The following KALRN variants were observed in gnomAD, a reference collection of about 807,000 sequenced individuals.
The protein encoded by KALRN is kalirin.
KALRN carries 70 observed loss-of-function variants against 353.7 expected under a neutral mutation model. The ratio of observed to expected loss-of-function variants is 0.20; its 90% CI spans 0.16 to 0.24. The LOEUF (loss-of-function observed/expected upper bound fraction) is 0.24, where lower values mean the gene tolerates loss of function less well. Ranked by LOEUF, KALRN falls within the 10% of genes least tolerant of loss-of-function variation. The pLI is 1.00. For synonymous variants in KALRN, 1,391 were observed against 1,434.8 expected, an observed-to-expected ratio of 0.97 and a Z score of 0.69; for missense variants, 2,791 against 3,756.7, an observed-to-expected ratio of 0.74 and a Z score of 6.72.
At chr3:124,052,368 C>T (rs1168427347) in intron 1 of KALRN, among the ~76,000 whole-genome samples, 1 of 152,120 alleles carries the variant, frequency 6.6e-6, no homozygotes, top group Admixed American at 6.6e-5. Context: ...CTTTTGGATT[C>T]CAAGTCTGTG....
chr3:124,597,202 C>A (rs1229608215), intron 34 of KALRN, among the ~76,000 whole-genome samples: 4 of 151,974 alleles, frequency 2.6e-5, no homozygotes, highest in Admixed American at 6.6e-5. Context: ...GTGTTGATTC[C>A]CAAATATTTG....
chr3:124,626,502 A>AT (rs200506128), intron 34 of KALRN, among the ~76,000 whole-genome samples: 2 of 152,068 alleles, frequency 1.3e-5, no homozygotes, highest in Admixed American at 6.6e-5. Flanking sequence ...GCTTCAGAAA[A>AT]TTTTTTTTAA....
intron 5 of KALRN, 115 bp from the exon 6 acceptor site, chr3:124,298,676 T>A (rs1364389751): frequency 1.3e-5 from 15 of 1,184,034 alleles, no homozygotes; most frequent in Non-Finnish European, 1.8e-5. Flanking sequence ...GAACAATAAC[T>A]GGTTCTCACT....
rs1036775635 is a variant in KALRN, at chr3:124,725,334, A to T, written c.*5864A>T. The T allele has an allele frequency of 6.6e-6, 1 of 152,184 alleles. No homozygotes were observed. The highest frequency in any genetic ancestry group is 2.4e-5 in the African/African-American group (1 of 41,450). 9.4% of individuals were successfully genotyped at this position (152,184 alleles called of 1,614,324 possible). A position where few individuals can be genotyped will look rare whatever the true frequency, so the allele number is the denominator to read the frequency against. Reference sequence around the variant, plus strand: ...TTTCTGCCAAACTTCAGCCTACTCTATGGGGAAGGTGAGTAAAACTAGTAG... The same window carrying T: ...TTTCTGCCAAACTTCAGCCTACTCTTTGGGGAAGGTGAGTAAAACTAGTAG... On this transcript the variant is annotated 3_prime_UTR_variant, in exon 60 of 60. Coordinates refer to ENST00000682506, the MANE Select transcript of KALRN (RefSeq NM_001388419.1).
intron 3 of KALRN, among the ~76,000 whole-genome samples, chr3:124,246,289 G>A (rs1351914195): frequency 6.6e-6 from 1 of 152,194 alleles, no homozygotes; most frequent in African/African-American, 2.4e-5. Context: ...CATATATTGT[G>A]TACCTAAACC....
intron 5 of KALRN, among the ~76,000 whole-genome samples, chr3:124,280,286 C>T (rs532103322): frequency 2.0e-4 from 31 of 152,256 alleles, no homozygotes; most frequent in South Asian, 8.3e-4. Context: ...TTCTGTAGCC[C>T]CAGTTGTTAG....
intron 3 of KALRN, among the ~76,000 whole-genome samples, chr3:124,251,176 C>T (rs2071093300): frequency 6.6e-6 from 1 of 152,128 alleles, no homozygotes; most frequent in Admixed American, 6.5e-5. Context: ...TTGACAAACC[C>T]ATCAGGGTTT....
chr3:124,604,333 C>T (rs552313570), intron 34 of KALRN, among the ~76,000 whole-genome samples: 10 of 152,114 alleles, frequency 6.6e-5, no homozygotes, highest in African/African-American at 2.4e-4. Flanking sequence ...AGTGTATTCT[C>T]CAGAGTGAGG....
chr3:124,663,959 C>A (rs2085228110), intron 45 of KALRN, among the ~76,000 whole-genome samples: 1 of 152,166 alleles, frequency 6.6e-6, no homozygotes, highest in Non-Finnish European at 1.5e-5. Context: ...TCATGCTTTG[C>A]TGTGACAGGA....
At chr3:124,264,772 C>T (rs1204558368) in intron 4 of KALRN, 82 bp downstream of exon 4, 11 of 1,234,974 alleles carry the variant, frequency 8.9e-6, no homozygotes, top group Non-Finnish European at 1.2e-5. Context: ...TCTTCTCTAT[C>T]TACCATACAG....
chr3:124,657,474 G>A lies in KALRN; in HGVS notation c.5889G>A (p.Lys1963=), dbSNP rs769995775. Residue 1963 remains lysine (K), a synonymous_variant, in exon 40 of 60, where the codon AAG becomes AAA. Coordinates refer to ENST00000682506, the MANE Select transcript of KALRN (RefSeq NM_001388419.1). ...GCTTCATGAAGAGAATAGAAGAAAA[G>A]GGTGTCCCTGAGGATATGCGAGGAA... ...VEGFMKRIEE[K]GVPEDMRGKD... is the part of the protein sequence containing the mutation. The A allele has an allele frequency of 6.2e-7, 1 of 1,613,830 alleles. No homozygotes were observed. Among genetic ancestry groups the A allele is most frequent in the South Asian group, 1.1e-5 (1 of 91,062 alleles).
Position 124,398,693 on chromosome 3 carries a change from A to C in KALRN, c.2172-4A>C, listed in dbSNP as rs2090479839. 6.2e-7 allele frequency: 1 copy of C among 1,613,934 alleles called. No homozygotes were observed. The highest frequency in any genetic ancestry group is 1.3e-5 in the African/African-American group (1 of 74,884). The stretch of plus-strand genomic sequence containing the variant: ...CTCCCTTTTTTCTCCCCACTCTGCC[A>C]CAGGGACTCGGCTGTGTCCAACAAC... On this transcript the variant is annotated splice_polypyrimidine_tract_variant and splice_region_variant and intron_variant, in intron 12 of 59. Transcript: ENST00000682506.
intron 1 of KALRN, among the ~76,000 whole-genome samples, chr3:124,040,952 A>G (rs1449086617): frequency 1.3e-5 from 2 of 152,238 alleles, no homozygotes; most frequent in Non-Finnish European, 2.9e-5. Flanking sequence ...TGTGTGTGGC[A>G]TCAGAAGGCT....
Position 124,494,954 on chromosome 3 carries a change from A to C in KALRN, c.4833-1357A>C, listed in dbSNP as rs905909584. ...GTCATTTCCTGTGCTAATTCACCCA[A>C]CTCCAACTCCACATCTCCCCCAGCT... On this transcript the variant is annotated intron_variant, in intron 32 of 59. Coordinates refer to ENST00000682506, the MANE Select transcript of KALRN (RefSeq NM_001388419.1). 2.6e-5 allele frequency among the ~76,000 whole-genome samples: 4 copies of C among 152,014 alleles called. No homozygotes were observed. The South Asian group carries it at 8.3e-4, about 32-fold the overall frequency.
chr3:124,188,513 CACTT>C (rs1235547971), intron 1 of KALRN, among the ~76,000 whole-genome samples: 1 of 152,208 alleles, frequency 6.6e-6, no homozygotes, highest in Non-Finnish European at 1.5e-5. Flanking sequence ...CCAGATTACT[CACTT>C]AATTACATTT....
intron 1 of KALRN, among the ~76,000 whole-genome samples, chr3:124,210,373 T>C (rs1379997191): frequency 6.6e-6 from 1 of 152,232 alleles, no homozygotes; most frequent in African/African-American, 2.4e-5. Flanking sequence ...AGTTTTTTCT[T>C]TTTTAATGGC....
At chr3:124,151,044 T>G (rs556926610) in intron 1 of KALRN, among the ~76,000 whole-genome samples, 1 of 152,338 alleles carries the variant, frequency 6.6e-6, no homozygotes, top group East Asian at 1.9e-4. Context: ...AGCAATTTAT[T>G]TCTATATTGT....
Position 124,633,846 on chromosome 3 carries a change from T to C in KALRN, c.5467-6T>C. On this transcript the variant is annotated splice_region_variant and splice_polypyrimidine_tract_variant and intron_variant, in intron 35 of 59. Transcript: ENST00000682506. ...AGTAACTAATGCTGCTCTTTTGTTC[T>C]AGAAGAGCAAGAAAGGTTGGGGTGA... The C allele has an allele frequency of 6.2e-7, 1 of 1,612,142 alleles. No homozygotes were observed. The highest frequency in any genetic ancestry group is 2.2e-5 in the East Asian group (1 of 44,856).
At chr3:124,091,010 C>CA (rs2061086629) in intron 1 of KALRN, among the ~76,000 whole-genome samples, 1 of 152,180 alleles carries the variant, frequency 6.6e-6, no homozygotes, top group African/African-American at 2.4e-5. Context: ...CACCTGGGGA[C>CA]ACTAAGCTGT....
Sources: allele counts gnomAD v4.1 joint callset (sites outside exome capture counted in the v4.1 genomes callset), GRCh38; gene constraint gnomAD v4.1.1; transcripts MANE v1.5; gene names NCBI Gene and HGNC (gene_info 2026-07-23, HGNC 2026-07-21).